The following RANBP2 variants were observed in gnomAD, a reference collection of about 807,000 sequenced individuals.
The protein encoded by RANBP2 is RAN binding protein 2.
Under a neutral mutation model 303.6 loss-of-function variants are expected in RANBP2, and 57 were observed. The observed-to-expected ratio is 0.19, with a 90% CI of 0.15 to 0.23. The LOEUF is 0.23. Among genes scored for constraint, RANBP2 ranks in the 10% least tolerant of loss-of-function variants. RANBP2 has a pLI of 1.00. For missense variants in RANBP2, 3,138 were observed against 3,780.8 expected (o/e 0.83, Z 4.46); for synonymous variants, 1,167 against 1,301.5 (o/e 0.90, Z 2.23).
At chr2:109,370,714 A>G in the RANBP2 span, among the ~76,000 whole-genome samples, 1 of 151,748 alleles carries the variant, frequency 6.6e-6, no homozygotes, top group African/African-American at 2.4e-5. Flanking sequence ...TCCTTCCTCG[A>G]TGACTGCTCA....
At chr2:108,744,643 A>G (rs1202538747) in intron 7 of RANBP2, among the ~76,000 whole-genome samples, 2 of 152,250 alleles carry the variant, frequency 1.3e-5, no homozygotes, top group African/African-American at 4.8e-5. Flanking sequence ...TTGTGAGTAA[A>G]AGGATAGGCA....
chr2:109,258,455 C>T, the RANBP2 span, among the ~76,000 whole-genome samples: 2,673 of 152,260 alleles, frequency 0.018, 33 homozygotes, highest in Middle Eastern at 0.044. Flanking sequence ...GAGGCTTCCT[C>T]GGGCCCTCAG....
the RANBP2 span, chr2:109,615,754 A>G: frequency 6.2e-7 from 1 of 1,614,074 alleles, no homozygotes; most frequent in Non-Finnish European, 8.5e-7. Context: ...CTTCCCTCGC[A>G]TCTCATCACC....
At chr2:109,160,524 G>A in the RANBP2 span, among the ~76,000 whole-genome samples, 14 of 152,202 alleles carry the variant, frequency 9.2e-5, no homozygotes, top group Admixed American at 8.5e-4. Context: ...ACTCTGTGGT[G>A]GATTCTGAGT....
At chr2:109,612,274 C>T in the RANBP2 span, among the ~76,000 whole-genome samples, 1 of 151,712 alleles carries the variant, frequency 6.6e-6, no homozygotes, top group Non-Finnish European at 1.5e-5. Context: ...AGAATAAAAA[C>T]GAATCACTGA....
chr2:109,026,297 C>CTTTTTTTTTTT, the RANBP2 span, among the ~76,000 whole-genome samples: 82,119 of 93,080 alleles, frequency 0.88, 37,324 homozygotes, highest in South Asian at 0.95. Flanking sequence ...CCATGCCTAG[C>CTTTTTTTTTTT]TTTTTTTTTT....
At chr2:109,032,545 T>C in the RANBP2 span, among the ~76,000 whole-genome samples, 1 of 152,088 alleles carries the variant, frequency 6.6e-6, no homozygotes, top group African/African-American at 2.4e-5. Flanking sequence ...TCACTCTCCA[T>C]TCTTCATCCC....
At chr2:108,897,016 G>A in the RANBP2 span, 1 of 1,613,892 alleles carries the variant, frequency 6.2e-7, no homozygotes, top group Admixed American at 1.7e-5. Flanking sequence ...CACCAGTTTT[G>A]TGAGTAGCTC....
chr2:109,186,452 C>A, the RANBP2 span, among the ~76,000 whole-genome samples: 6 of 152,356 alleles, frequency 3.9e-5, no homozygotes, highest in South Asian at 4.1e-4. Context: ...ACTTCACCGC[C>A]GTGCTGGACC....
the RANBP2 span, among the ~76,000 whole-genome samples, chr2:109,496,879 A>G: frequency 1.3e-5 from 2 of 152,228 alleles, no homozygotes; most frequent in Non-Finnish European, 2.9e-5. Context: ...TGTAATCACA[A>G]AGGGTCCTTA....
At chr2:109,419,500 T>C in the RANBP2 span, 1 of 1,544,644 alleles carries the variant, frequency 6.5e-7, no homozygotes, top group Admixed American at 1.9e-5. Flanking sequence ...GGATGGAGTC[T>C]CTGTCTCCTC....
the RANBP2 span, among the ~76,000 whole-genome samples, chr2:109,551,786 A>G: frequency 6.6e-6 from 1 of 152,278 alleles, no homozygotes; most frequent in Non-Finnish European, 1.5e-5. Flanking sequence ...CAATTGGATT[A>G]CAGATTAACT....
the RANBP2 span, among the ~76,000 whole-genome samples, chr2:109,189,558 G>A: frequency 3.3e-5 from 5 of 151,834 alleles, no homozygotes; most frequent in African/African-American, 9.7e-5. Flanking sequence ...TAGTAGAAGC[G>A]GGGTTTCACT....
At chr2:108,727,399 A>G (rs935805289) in intron 1 of RANBP2, among the ~76,000 whole-genome samples, 1 of 152,180 alleles carries the variant, frequency 6.6e-6, no homozygotes, top group African/African-American at 2.4e-5. Context: ...ATAGTGTGTG[A>G]TAAGTGCTTA....
chr2:109,622,229 C>G, the RANBP2 span, among the ~76,000 whole-genome samples: 6,392 of 152,182 alleles, frequency 0.042, 420 homozygotes, highest in African/African-American at 0.14. Flanking sequence ...TGCTACTTGC[C>G]CAAGGTCACA....
the RANBP2 span, among the ~76,000 whole-genome samples, chr2:109,244,146 T>A: frequency 9.2e-4 from 140 of 151,922 alleles, no homozygotes; most frequent in Non-Finnish European, 1.7e-3. Flanking sequence ...CCTCTGTAGC[T>A]ATTTTTTTTG....
chr2:108,958,800 G>A, the RANBP2 span, among the ~76,000 whole-genome samples: 1 of 119,176 alleles, frequency 8.4e-6, no homozygotes, highest in Non-Finnish European at 1.5e-5. Flanking sequence ...AATGAATTCT[G>A]TTGAATGTTA....
At chr2:109,673,835 G>A in the RANBP2 span, among the ~76,000 whole-genome samples, 5,429 of 152,268 alleles carry the variant, frequency 0.036, 122 homozygotes, top group Non-Finnish European at 0.047. Context: ...CAATGTATGA[G>A]AGCTCCAGGG....
chr2:108,721,575 G>GT (rs1403760728), intron 1 of RANBP2, among the ~76,000 whole-genome samples: 1 of 151,978 alleles, frequency 6.6e-6, no homozygotes, highest in African/African-American at 2.4e-5. Flanking sequence ...CGAGTAGTTG[G>GT]GACCACAGGT....
Sources: gnomAD v4.1 joint callset for allele counts (sites outside exome capture counted in the v4.1 genomes callset) on GRCh38, gnomAD v4.1.1 for gene constraint, MANE v1.5 for transcripts, NCBI Gene and HGNC (gene_info 2026-07-23, HGNC 2026-07-21) for gene names.